SIX4: variants seen among roughly 807,000 people sequenced by gnomAD.
SIX4 encodes homeobox protein SIX4.
Under a neutral mutation model 51.5 loss-of-function variants are expected in SIX4, and 23 were observed. That is an observed-to-expected ratio of 0.45 (90% CI 0.32 to 0.63). The LOEUF (loss-of-function observed/expected upper bound fraction) is 0.63, where lower values mean the gene tolerates loss of function less well. Ranked by LOEUF, SIX4 falls within the 30% of genes least tolerant of loss-of-function variation. The pLI is 0.04. For missense variants in SIX4, 867 were observed against 984.0 expected, an observed-to-expected ratio of 0.88 and a Z score of 1.59; for synonymous variants, 413 against 417.3, an observed-to-expected ratio of 0.99 and a Z score of 0.13.
chr14:60,715,630 G>GA lies in SIX4; in HGVS notation c.1550-1428dup, dbSNP rs563393421. The stretch of plus-strand genomic sequence containing the variant: ...TAATGGTCTATAGAGACCAGAAGTA[G>GA]AAAAAAAAATGTTAAGTAGAAAGCT... On this transcript the variant is annotated intron_variant, in intron 2 of 2. Coordinates refer to ENST00000216513, the MANE Select transcript of SIX4 (RefSeq NM_017420.5). Among the ~76,000 whole-genome samples, 565 of 151,058 alleles carry GA rather than the reference G, an allele frequency of 3.7e-3. 3 individuals carry two copies. The highest frequency in any genetic ancestry group is 0.028 in the South Asian group (134 of 4,762).
At chr14:60,723,062 G>A (rs1011157744) in intron 1 of SIX4, 150 bp downstream of exon 1, 4 of 1,412,562 alleles carry the variant, frequency 2.8e-6, no homozygotes, top group African/African-American at 2.9e-5. Context: ...TCTGCCGGCC[G>A]GGGAGCGAGG....
intron 1 of SIX4, among the ~76,000 whole-genome samples, chr14:60,721,551 G>C (rs1216205275): frequency 6.6e-6 from 1 of 152,106 alleles, no homozygotes; most frequent in African/African-American, 2.4e-5. Context: ...GTGACTCACC[G>C]GGGGTGCGGG....
chr14:60,723,021 C>A lies in SIX4; in HGVS notation c.863+191G>T, dbSNP rs1346418130. 1.8e-5 allele frequency: 24 copies of A among 1,316,800 alleles called. No individual in the cohort carries two copies. The South Asian group carries it at 3.5e-4, about 19-fold the overall frequency. 81.6% of individuals were successfully genotyped at this position (1,316,800 alleles called of 1,614,324 possible). A position where few individuals can be genotyped will look rare whatever the true frequency, so the allele number is the denominator to read the frequency against. On this transcript the variant is annotated intron_variant, in intron 1 of 2. Coordinates refer to ENST00000216513, the MANE Select transcript of SIX4 (RefSeq NM_017420.5). ...GAGGGGGAGGGTAAGGAGGGAGGTTCCCCCGCCCCCCGCCTCCGCCGCCCC... is the reference window on the plus strand; with the variant it reads ...GAGGGGGAGGGTAAGGAGGGAGGTTACCCCGCCCCCCGCCTCCGCCGCCCC...
rs966445223 is a variant in SIX4 at position 60,724,295 on chromosome 14, A to G, written c.-221T>C. On this transcript the variant is annotated 5_prime_UTR_variant, in exon 1 of 3. Coordinates refer to ENST00000216513, the MANE Select transcript of SIX4 (RefSeq NM_017420.5). ...TTAGAGCAAAGTAGTGTAAACGGAT[A>G]GCTGCTTTCTGCCGTTCCCCCAACG... is the stretch of plus-strand genomic sequence containing the variant. 6.6e-7 allele frequency: 1 copy of G among 1,523,052 alleles called. No individual in the cohort carries two copies. The highest frequency in any genetic ancestry group is 8.8e-7 in the Non-Finnish European group (1 of 1,138,956). 94.3% of individuals were successfully genotyped at this position (1,523,052 alleles called of 1,614,324 possible).
At position 60,722,138 on chromosome 14, in the gene SIX4, T is replaced by G. The variant is rs1896033113; in HGVS notation, c.863+1074A>C. Among the ~76,000 whole-genome samples the G allele has an allele frequency of 6.6e-6, 1 of 152,188 alleles. No homozygotes were observed. The highest frequency in any genetic ancestry group is 1.5e-5 in the Non-Finnish European group (1 of 68,038). On this transcript the variant is annotated intron_variant, in intron 1 of 2. Coordinates refer to ENST00000216513, the MANE Select transcript of SIX4 (RefSeq NM_017420.5). The surrounding 1 kb of genome is among the most constrained non-coding windows in gnomAD (Gnocchi z 5.9). ...GAACCTTCGAGCTGCTTTTGGATTCTTTCTCTCCTATCCCCGCGGGGCTGG... is the reference window on the plus strand; with the variant it reads ...GAACCTTCGAGCTGCTTTTGGATTCGTTCTCTCCTATCCCCGCGGGGCTGG...
In SIX4 at chr14:60,723,854, G is replaced by A; in HGVS notation, c.221C>T (p.Ala74Val). Residue 74 changes from alanine (A) to valine (V), a missense_variant, in exon 1 of 3, where the codon GCG becomes GTG. Ala to Val is a moderately conservative substitution (Grantham distance 64). Coordinates refer to ENST00000216513, the MANE Select transcript of SIX4 (RefSeq NM_017420.5). ...RVSGEEGAVA[A>V]AAAGAAADQV... ...ATCCGCCGCCGCTCCGGCCGCCGCCGCCGCCACTGCCCCTTCCTCTCCGCT... is the reference window on the plus strand; with the variant it reads ...ATCCGCCGCCGCTCCGGCCGCCGCCACCGCCACTGCCCCTTCCTCTCCGCT... The A allele has an allele frequency of 2.0e-6, 3 of 1,534,788 alleles. No individual in the cohort carries two copies. Among genetic ancestry groups the A allele is most frequent in the Admixed American group, 2.2e-5 (1 of 45,758 alleles).
chr14:60,711,415 A>G lies in SIX4; in HGVS notation c.*1992T>C, dbSNP rs1895818532. ...TATGATAACAAAAGTTAAATCCTCTATGTCCCTTATTCAACATGCTTGATT... is the reference window on the plus strand; with the variant it reads ...TATGATAACAAAAGTTAAATCCTCTGTGTCCCTTATTCAACATGCTTGATT... On this transcript the variant is annotated 3_prime_UTR_variant, in exon 3 of 3. Transcript: ENST00000216513. 6.6e-6 allele frequency: 1 copy of G among 152,150 alleles called. No individual in the cohort carries two copies. 9.4% of individuals were successfully genotyped at this position (152,150 alleles called of 1,614,324 possible). A position where few individuals can be genotyped will look rare whatever the true frequency, so the allele number is the denominator to read the frequency against.
In SIX4 at chr14:60,722,550, C is replaced by G. The variant is rs957369529; in HGVS notation, c.863+662G>C. ...ACAGAGCCGAGCTGCACCAGCACCC[C>G]ACGTTGCCGCGGCCGCTAAGGGAAC... is the stretch of plus-strand genomic sequence containing the variant. On this transcript the variant is annotated intron_variant, in intron 1 of 2. Transcript: ENST00000216513. The surrounding 1 kb of genome is among the most constrained non-coding windows in gnomAD (Gnocchi z 5.9). 4.6e-5 allele frequency among the ~76,000 whole-genome samples: 7 copies of G among 152,202 alleles called. No homozygotes were observed. The highest frequency in any genetic ancestry group is 2.0e-4 in the Admixed American group (3 of 15,282).
Position 60,723,941 on chromosome 14 carries a change from G to T in SIX4, c.134C>A (p.Pro45His), listed in dbSNP as rs1566741307. Residue 45 changes from proline (P) to histidine (H), a missense_variant, in exon 1 of 3, where the codon CCC becomes CAC. Physicochemically the swap from Pro to His is moderately conservative, Grantham distance 77. Transcript: ENST00000216513. ...CAGGGGAAAAGGGGCTGGAGCCGGG[G>T]GGCTCAGCCCTACCGCCGCGCCCCC... ...VAGGAAVGLS[P>H]PAPAPFPLEP... 1.3e-6 allele frequency: 2 copies of T among 1,510,736 alleles called. No individual in the cohort carries two copies. The highest frequency in any genetic ancestry group is 1.8e-6 in the Non-Finnish European group (2 of 1,138,540). The allele number at this position is 1,510,736 out of a possible 1,614,324, so 93.6% of individuals were successfully genotyped here. A position where few individuals can be genotyped will look rare whatever the true frequency, so the allele number is the denominator to read the frequency against.
At chr14:60,715,678 T>C (rs1285196013) in intron 2 of SIX4, among the ~76,000 whole-genome samples, 1 of 152,180 alleles carries the variant, frequency 6.6e-6, no homozygotes, top group Non-Finnish European at 1.5e-5. Context: ...TCAGATCACT[T>C]AGACAATGTA....
chr14:60,720,339 G>A lies in SIX4; in HGVS notation c.970C>T (p.Leu324Phe), dbSNP rs773710587. ...TATACTGGCTCCATATGACTGGAAA[G>A]GCTGAGGTTGGTGATGCCATCAGAT... ...SSSDGITNLSLSSHMEPVYMQ... is the reference protein window; with the variant it reads ...SSSDGITNLSFSSHMEPVYMQ... The change falls in exon 2 of 3, where the codon CTT (leucine) becomes TTT (phenylalanine). Residue 324 changes from leucine (L) to phenylalanine (F), a missense_variant. Leu to Phe is a conservative substitution (Grantham distance 22). Transcript: ENST00000216513. The surrounding 1 kb of genome is among the most constrained non-coding windows in gnomAD (Gnocchi z 5.5). 1.9e-6 allele frequency: 3 copies of A among 1,614,102 alleles called. No individual in the cohort carries two copies. The African/African-American group carries it at 4.0e-5, about 22-fold the overall frequency.
chr14:60,724,172 T>C lies in SIX4; in HGVS notation c.-98A>G. The C allele has an allele frequency of 6.3e-7, 1 of 1,588,958 alleles. No homozygotes were observed. Among genetic ancestry groups the C allele is most frequent in the Non-Finnish European group, 8.5e-7 (1 of 1,172,248 alleles). ...CCTCCTCCTTCGTCTCCCTCCCTCC[T>C]CTCCCCCTCCGGAAAGCCCACTCCC... is the stretch of plus-strand genomic sequence containing the variant. On this transcript the variant is annotated 5_prime_UTR_variant, in exon 1 of 3. Coordinates refer to ENST00000216513, the MANE Select transcript of SIX4 (RefSeq NM_017420.5).
Position 60,720,555 on chromosome 14 carries a change from G to A in SIX4, c.864-110C>T. On this transcript the variant is annotated intron_variant, in intron 1 of 2. Coordinates refer to ENST00000216513, the MANE Select transcript of SIX4 (RefSeq NM_017420.5). This position sits in a 1 kb window ranked among gnomAD's most constrained non-coding sequence, Gnocchi z 5.5. The stretch of plus-strand genomic sequence containing the variant: ...TAAATCCATTAAAGGCAGTATTTAA[G>A]GAAAGCACAGCAGGATATCTGCTAG... 4.8e-6 allele frequency: 5 copies of A among 1,050,138 alleles called. No homozygotes were observed. The highest frequency in any genetic ancestry group is 6.9e-6 in the Non-Finnish European group (5 of 727,960). 65.1% of individuals were successfully genotyped at this position (1,050,138 alleles called of 1,614,324 possible).
rs1484662351 is a variant in SIX4, at chr14:60,717,246, T to C, written c.1549+2514A>G. On this transcript the variant is annotated intron_variant, in intron 2 of 2. Coordinates refer to ENST00000216513, the MANE Select transcript of SIX4 (RefSeq NM_017420.5). This position sits in a 1 kb window ranked among gnomAD's most constrained non-coding sequence, Gnocchi z 4.6. ...TGTGCCACCATGCCAGCCTAATTTT[T>C]GTTTTTTTTAGTAGAGACGGGGTTT... is the stretch of plus-strand genomic sequence containing the variant. The C allele has an allele frequency of 6.0e-6, 1 of 166,344 alleles. No individual in the cohort carries two copies. Among genetic ancestry groups the C allele is most frequent in the East Asian group, 1.8e-4 (1 of 5,578 alleles). 10.3% of individuals were successfully genotyped at this position (166,344 alleles called of 1,614,324 possible). A position where few individuals can be genotyped will look rare whatever the true frequency, so the allele number is the denominator to read the frequency against.
At chr14:60,714,339 T>C (rs1445613843) in intron 2 of SIX4, 136 bp from the exon 3 acceptor site, 1 of 735,416 alleles carries the variant, frequency 1.4e-6, no homozygotes, top group Non-Finnish European at 2.1e-6. Context: ...CCAATTCTGG[T>C]TCAGAATTAC....
intron 1 of SIX4, 123 bp downstream of exon 1, chr14:60,723,089 G>A (rs1896058676): frequency 1.4e-6 from 2 of 1,419,902 alleles, no homozygotes; most frequent in East Asian, 5.4e-5. Flanking sequence ...GCGGGGAGAG[G>A]TGGGCAGCCG....
At chr14:60,714,815 G>A (rs955131297) in intron 2 of SIX4, among the ~76,000 whole-genome samples, 9 of 151,456 alleles carry the variant, frequency 5.9e-5, no homozygotes, top group Admixed American at 3.9e-4. Context: ...ATAGGCATGC[G>A]CCACCACATC....
Position 60,719,884 on chromosome 14 carries a change from T to C in SIX4, c.1425A>G (p.Pro475=). 6.2e-7 allele frequency: 1 copy of C among 1,614,200 alleles called. No homozygotes were observed. The change falls in exon 2 of 3, where the codon CCA becomes CCG. Residue 475 remains proline, a synonymous_variant. Coordinates refer to ENST00000216513, the MANE Select transcript of SIX4 (RefSeq NM_017420.5). This position sits in a 1 kb window ranked among gnomAD's most constrained non-coding sequence, Gnocchi z 4.9. The stretch of plus-strand genomic sequence containing the variant: ...CAATGCCATACTGGTTAATTTGCAC[T>C]GGTGTAGTAAAAGTCACTACAGACC... ...DGGSVVTFTT[P]VQINQYGIVQ... is the part of the protein sequence containing the mutation.
At position 60,723,496 on chromosome 14, in the gene SIX4, C is replaced by G. The variant is rs900248071; in HGVS notation, c.579G>C (p.Glu193Asp). 1.9e-6 allele frequency: 3 copies of G among 1,606,198 alleles called. No homozygotes were observed. The African/African-American group carries it at 4.0e-5, about 21-fold the overall frequency. ...QQLWYKARYT[E>D]AERARGRPLG... ...GCGGCCGGCCGCGGGCTCGCTCGGC[C>G]TCGGTGTAGCGCGCCTTGTACCAGA... is the stretch of plus-strand genomic sequence containing the variant. Residue 193 changes from glutamate to aspartate, a missense_variant, in exon 1 of 3, where the codon GAG becomes GAC. Glu to Asp is a conservative substitution (Grantham distance 45). Coordinates refer to ENST00000216513, the MANE Select transcript of SIX4 (RefSeq NM_017420.5).
Sources: allele counts gnomAD v4.1 joint callset (sites outside exome capture counted in the v4.1 genomes callset), GRCh38; gene constraint gnomAD v4.1.1; non-coding constraint Gnocchi (gnomAD v3.1); transcripts MANE v1.5; gene names NCBI Gene and HGNC (gene_info 2026-07-23, HGNC 2026-07-21).